The following NME7 variants were observed in gnomAD, a reference collection of about 807,000 sequenced individuals.
NME7 encodes NME/NM23 family member 7.
NME7 carries 41 observed loss-of-function variants against 49.1 expected under a neutral mutation model. That is an observed-to-expected ratio of 0.83 (90% CI 0.65 to 1.08). The LOEUF is 1.08. Ranked by LOEUF, NME7 falls within the 50% of genes least tolerant of loss-of-function variation. The probability of loss-of-function intolerance (pLI) is 0.00; values close to 1 mark genes in which losing one functional copy is unlikely to be tolerated. For synonymous variants in NME7, 139 were observed against 150.6 expected (o/e 0.92, Z 0.56); for missense variants, 423 against 463.4 (o/e 0.91, Z 0.80).
chr1:169,302,721 T>A (rs968307005), intron 5 of NME7, among the ~76,000 whole-genome samples: 5 of 151,966 alleles, frequency 3.3e-5, no homozygotes, highest in Admixed American at 2.6e-4. Context: ...TCACACAATA[T>A]ACCCAGGTAA....
At chr1:169,294,759 TA>T (rs1349926534) in intron 6 of NME7, among the ~76,000 whole-genome samples, 2 of 152,138 alleles carry the variant, frequency 1.3e-5, no homozygotes, top group African/African-American at 2.4e-5. Flanking sequence ...AGAAAGAGGT[TA>T]AAAAAATTAA....
intron 7 of NME7, among the ~76,000 whole-genome samples, chr1:169,278,916 G>A (rs957452907): frequency 3.3e-5 from 5 of 152,278 alleles, no homozygotes; most frequent in South Asian, 2.1e-4. Context: ...AGGACCCTCC[G>A]CTGCAGGTCT....
intron 11 of NME7, among the ~76,000 whole-genome samples, chr1:169,168,155 T>C (rs957313560): frequency 6.6e-6 from 1 of 152,200 alleles, no homozygotes; most frequent in Non-Finnish European, 1.5e-5. Context: ...TGCCATCATA[T>C]AAAAACCTCA....
intron 7 of NME7, among the ~76,000 whole-genome samples, chr1:169,239,637 A>G (rs1424072437): frequency 6.6e-6 from 1 of 152,044 alleles, no homozygotes; most frequent in East Asian, 1.9e-4. Flanking sequence ...GCACAAAATT[A>G]GTGACATGGG....
chr1:169,339,589 A>C (rs1652608143), intron 1 of NME7, among the ~76,000 whole-genome samples: 1 of 152,240 alleles, frequency 6.6e-6, no homozygotes, highest in African/African-American at 2.4e-5. Context: ...TCAAGGTCAC[A>C]AACACACTGA....
chr1:169,213,846 C>T (rs1159746333), intron 10 of NME7, among the ~76,000 whole-genome samples: 1 of 136,156 alleles, frequency 7.3e-6, no homozygotes, highest in Admixed American at 7.2e-5. Context: ...TATATATATA[C>T]ACACAAACAT....
intron 7 of NME7, among the ~76,000 whole-genome samples, chr1:169,251,121 T>C (rs1201714372): frequency 6.6e-6 from 1 of 152,134 alleles, no homozygotes; most frequent in Non-Finnish European, 1.5e-5. Context: ...ATGTCTTAGG[T>C]CTAATAGTAA....
chr1:169,339,132 C>T (rs906599144), intron 1 of NME7, among the ~76,000 whole-genome samples: 4 of 152,072 alleles, frequency 2.6e-5, no homozygotes, highest in African/African-American at 7.2e-5. Flanking sequence ...TAGATCTTGA[C>T]AAAATGGCAA....
intron 6 of NME7, among the ~76,000 whole-genome samples, chr1:169,291,626 A>G (rs1400778230): frequency 1.3e-5 from 2 of 150,776 alleles, no homozygotes; most frequent in African/African-American, 4.9e-5. Flanking sequence ...CGTTACGCAC[A>G]TGTATCCCAG....
chr1:169,253,533 T>A (rs1386130104), intron 7 of NME7, among the ~76,000 whole-genome samples: 1 of 152,118 alleles, frequency 6.6e-6, no homozygotes, highest in Non-Finnish European at 1.5e-5. Context: ...CTTCCTCTTT[T>A]CCTAATTGAA....
At chr1:169,196,973 G>A (rs1322233113) in intron 10 of NME7, among the ~76,000 whole-genome samples, 2 of 152,136 alleles carry the variant, frequency 1.3e-5, no homozygotes, top group Non-Finnish European at 2.9e-5. Flanking sequence ...ACAGTATAGA[G>A]GTAGCCTGAT....
At chr1:169,187,757 G>T (rs1225415485) in intron 10 of NME7, among the ~76,000 whole-genome samples, 1 of 152,112 alleles carries the variant, frequency 6.6e-6, no homozygotes, top group Non-Finnish European at 1.5e-5. Flanking sequence ...TACATTTAAG[G>T]TTAATATTGT....
At chr1:169,183,217 T>C (rs79979579) in intron 10 of NME7, among the ~76,000 whole-genome samples, 2,205 of 152,298 alleles carry the variant, frequency 0.014, 49 homozygotes, top group African/African-American at 0.048. Flanking sequence ...CTTTTCCAGT[T>C]GAGATATTAA....
At chr1:169,274,251 G>A (rs1649609518) in intron 7 of NME7, among the ~76,000 whole-genome samples, 1 of 134,036 alleles carries the variant, frequency 7.5e-6, no homozygotes, top group Non-Finnish European at 1.8e-5. Context: ...TCTTTTGGCT[G>A]CATAAATGTC....
chr1:169,146,595 A>G (rs10919075), intron 11 of NME7, among the ~76,000 whole-genome samples: 43,977 of 152,106 alleles, frequency 0.29, 6,788 homozygotes, highest in Non-Finnish European at 0.34. Flanking sequence ...ATATATTTCA[A>G]AAGCCTCAAA....
At position 169,169,491 on chromosome 1, in the gene NME7, T is replaced by C; in HGVS notation, c.1054A>G (p.Asn352Asp). 6.2e-7 allele frequency: 1 copy of C among 1,614,104 alleles called. No individual in the cohort carries two copies. Among genetic ancestry groups the C allele is most frequent in the East Asian group, 2.2e-5 (1 of 44,872 alleles). ...RAIFGKTKIQNAVHCTDLPED... is the reference protein window; with the variant it reads ...RAIFGKTKIQDAVHCTDLPED... ...GGCAGATCAGTACAGTGAACAGCAT[T>C]CTGGATCTTAGTTTTACCAAAGATT... Residue 352 changes from asparagine to aspartate, a missense_variant, in exon 11 of 12, where the codon AAT (asparagine) becomes GAT (aspartate). Transcript: ENST00000367811.
intron 7 of NME7, among the ~76,000 whole-genome samples, chr1:169,256,346 T>C (rs1648932632): frequency 7.4e-6 from 1 of 134,560 alleles, no homozygotes; most frequent in African/African-American, 2.5e-5. Flanking sequence ...TTTCTTCCAG[T>C]TGATCGCATC....
intron 7 of NME7, among the ~76,000 whole-genome samples, chr1:169,249,213 T>C (rs1193282495): frequency 2.0e-5 from 3 of 152,160 alleles, no homozygotes; most frequent in African/African-American, 7.2e-5. Flanking sequence ...CTTGGTTAAA[T>C]ATATTCCTAG....
chr1:169,257,145 G>A lies in NME7; in HGVS notation c.755-19458C>T, dbSNP rs551859466. 6.7e-5 allele frequency among the ~76,000 whole-genome samples: 9 copies of A among 134,952 alleles called. 3 individuals carry two copies. Among genetic ancestry groups the A allele is most frequent in the South Asian group, 2.3e-4 (1 of 4,430 alleles). 88.5% of individuals were successfully genotyped at this position (134,952 alleles called of 152,430 possible). ...TACCTAATCAAGCCTGAGCAATGGC[G>A]GGCGCCCCTCCCCCAGCCTCGCTGC... On this transcript the variant is annotated intron_variant, in intron 7 of 11. Transcript: ENST00000367811.
Sources: gnomAD v4.1 joint callset for allele counts (sites outside exome capture counted in the v4.1 genomes callset) on GRCh38, gnomAD v4.1.1 for gene constraint, MANE v1.5 for transcripts, NCBI Gene and HGNC (gene_info 2026-07-23, HGNC 2026-07-21) for gene names.